The following LRCH2 variants were observed in gnomAD, a reference collection of about 807,000 sequenced individuals.
LRCH2 encodes leucine-rich repeat and calponin homology domain-containing protein 2.
LRCH2 carries 38 observed loss-of-function variants against 68.9 expected under a neutral mutation model. That is an observed-to-expected ratio of 0.55 (90% CI 0.43 to 0.72). The LOEUF (loss-of-function observed/expected upper bound fraction) is 0.72, where lower values mean the gene tolerates loss of function less well. Ranked by LOEUF, LRCH2 falls within the 30% of genes least tolerant of loss-of-function variation. LRCH2 has a pLI of 0.00. For missense variants in LRCH2, 528 were observed against 572.9 expected (o/e 0.92, Z 0.80); for synonymous variants, 191 against 208.1 (o/e 0.92, Z 0.71).
intron 14 of LRCH2, among the ~76,000 whole-genome samples, chrX:115,140,194 A>G (rs2072324328): frequency 9.0e-6 from 1 of 111,352 alleles, no homozygotes; most frequent in Admixed American, 9.5e-5. Context: ...GGCACTGGCC[A>G]GAGTTGTGAG....
At chrX:115,132,385 T>C (rs782035982) in intron 14 of LRCH2, among the ~76,000 whole-genome samples, 1 of 111,652 alleles carries the variant, frequency 9.0e-6, no homozygotes, top group South Asian at 3.8e-4. Flanking sequence ...AAAGATCAGA[T>C]GGTTGTCGAT....
At chrX:115,171,900 CG>C (rs1485321515) in intron 5 of LRCH2, among the ~76,000 whole-genome samples, 2 of 109,643 alleles carry the variant, frequency 1.8e-5, no homozygotes, top group Admixed American at 9.8e-5. Flanking sequence ...AGGCTGTTCT[CG>C]AACTCCTGGG....
At position 115,134,676 on chromosome X, in the gene LRCH2, T is replaced by C. The variant is rs76793299; in HGVS notation, c.1696-4477A>G. ...CCACTATCGAGCTCAGAAAAAAAGATTCCTTTCATAATATTACTGCTCATT... is the reference window on the plus strand; with the variant it reads ...CCACTATCGAGCTCAGAAAAAAAGACTCCTTTCATAATATTACTGCTCATT... On this transcript the variant is annotated intron_variant, in intron 14 of 20. Coordinates refer to ENST00000317135, the MANE Select transcript of LRCH2 (RefSeq NM_020871.4). 4.6e-4 allele frequency among the ~76,000 whole-genome samples: 52 copies of C among 112,077 alleles called. No individual in the cohort carries two copies. The East Asian group carries it at 0.012, about 26-fold the overall frequency.
Position 115,113,216 on chromosome X carries a change from T to C in LRCH2, c.2298A>G (p.Ter766=). The change falls in exon 21 of 21, where the codon TAA becomes TAG. Residue 766 remains the stop codon, a stop_retained_variant. Transcript: ENST00000317135. ...ACACTTAGAATTTTAAAATGTTATATTAAGCCACAGAAAGCTGAGATGCCT... is the reference window on the plus strand; with the variant it reads ...ACACTTAGAATTTTAAAATGTTATACTAAGCCACAGAAAGCTGAGATGCCT... The part of the protein sequence containing the change: ...TTKASQLSVA[*] 8.4e-7 allele frequency: 1 copy of C among 1,186,849 alleles called. No homozygotes were observed. Among genetic ancestry groups the C allele is most frequent in the Non-Finnish European group, 1.1e-6 (1 of 882,408 alleles).
chrX:115,120,788 T>C (rs1465373532), intron 20 of LRCH2, among the ~76,000 whole-genome samples: 207 of 106,688 alleles, frequency 1.9e-3, no homozygotes, highest in African/African-American at 6.6e-3. Context: ...CCAACAATGA[T>C]AGACTGGACT....
At chrX:115,122,029 A>T (rs1343493178) in intron 20 of LRCH2, among the ~76,000 whole-genome samples, 5 of 111,627 alleles carry the variant, frequency 4.5e-5, no homozygotes, top group Non-Finnish European at 9.4e-5. Context: ...TACATGAAAC[A>T]TAAGACAATT....
Position 115,190,237 on chromosome X carries a change from C to T in LRCH2, c.350-1867G>A, listed in dbSNP as rs1556556967. On this transcript the variant is annotated intron_variant, in intron 1 of 20. Coordinates refer to ENST00000317135, the MANE Select transcript of LRCH2 (RefSeq NM_020871.4). The stretch of plus-strand genomic sequence containing the variant: ...AGACTACAGCCGCCGCTATTATGGC[C>T]ACTCCAGTGTCCCGGACTACCGTCC... The T allele has an allele frequency of 3.4e-6, 4 of 1,163,847 alleles. No individual in the cohort carries two copies. In the South Asian group the frequency reaches 7.6e-5, roughly 22 times the overall value.
intron 20 of LRCH2, among the ~76,000 whole-genome samples, chrX:115,119,144 A>G (rs1174328208): frequency 2.7e-5 from 3 of 110,523 alleles, no homozygotes; most frequent in African/African-American, 9.9e-5. Flanking sequence ...CTCCTATTCA[A>G]CATAGTGTTG....
At chrX:115,149,439 AAAC>A (rs1393733671) in intron 14 of LRCH2, among the ~76,000 whole-genome samples, 1 of 111,759 alleles carries the variant, frequency 8.9e-6, no homozygotes, top group Non-Finnish European at 1.9e-5. Context: ...AGAACTATAT[AAAC>A]AACACTTATT....
chrX:115,146,279 G>A (rs1046353341), intron 14 of LRCH2, among the ~76,000 whole-genome samples: 202 of 111,572 alleles, frequency 1.8e-3, no homozygotes, highest in Middle Eastern at 4.6e-3. Context: ...CCAGAGGCTA[G>A]AGAAGGGTAG....
At chrX:115,206,463 G>A (rs973346210) in intron 1 of LRCH2, among the ~76,000 whole-genome samples, 13 of 112,092 alleles carry the variant, frequency 1.2e-4, no homozygotes, top group Non-Finnish European at 2.1e-4. Context: ...GCAGACAACC[G>A]CTTAAAGGTG....
At chrX:115,218,347 A>G (rs2073055731) in intron 1 of LRCH2, among the ~76,000 whole-genome samples, 1 of 112,182 alleles carries the variant, frequency 8.9e-6, no homozygotes, top group African/African-American at 3.2e-5. Context: ...TAGGATCTGG[A>G]GGCAGGGCCG....
intron 1 of LRCH2, among the ~76,000 whole-genome samples, chrX:115,221,020 A>C (rs1225194121): frequency 7.6e-4 from 80 of 105,233 alleles, no homozygotes; most frequent in African/African-American, 2.7e-3. Context: ...CTAAAAATAC[A>C]AAAAAAATTA....
chrX:115,121,415 G>A (rs2072141770), intron 20 of LRCH2, among the ~76,000 whole-genome samples: 1 of 111,248 alleles, frequency 9.0e-6, no homozygotes, highest in South Asian at 3.7e-4. Context: ...ACTTTGGGAG[G>A]CTGAGGCGGG....
At chrX:115,178,268 C>T (rs113395189) in intron 5 of LRCH2, among the ~76,000 whole-genome samples, 3,158 of 111,282 alleles carry the variant, frequency 0.028, 107 homozygotes, top group African/African-American at 0.098. Flanking sequence ...ATCTTAGAGC[C>T]GTGGTGTTTA....
At chrX:115,201,437 T>C (rs997976239) in intron 1 of LRCH2, among the ~76,000 whole-genome samples, 9 of 111,663 alleles carry the variant, frequency 8.1e-5, no homozygotes, top group African/African-American at 2.9e-4. Flanking sequence ...TCTCAATAGA[T>C]GCAGAAAATG....
chrX:115,151,260 G>A (rs782590437), intron 12 of LRCH2, among the ~76,000 whole-genome samples: 1 of 111,070 alleles, frequency 9.0e-6, no homozygotes, highest in African/African-American at 3.3e-5. Context: ...CAATGGAAGA[G>A]GAGTACAGGA....
At position 115,230,951 on chromosome X, in the gene LRCH2, T is replaced by C. The variant is rs1603110286; in HGVS notation, c.349+2742A>G. Among the ~76,000 whole-genome samples the C allele has an allele frequency of 2.7e-5, 3 of 110,721 alleles. No individual in the cohort carries two copies. In the East Asian group the frequency reaches 8.5e-4, roughly 31 times the overall value. ...GGTCTAGGGTGGGATCCAGGCAGGG[T>C]TGAAAAAACAAACAAAAAATCTCCC... On this transcript the variant is annotated intron_variant, in intron 1 of 20. Coordinates refer to ENST00000317135, the MANE Select transcript of LRCH2 (RefSeq NM_020871.4).
At chrX:115,214,152 G>C (rs1194914710) in intron 1 of LRCH2, among the ~76,000 whole-genome samples, 2 of 111,874 alleles carry the variant, frequency 1.8e-5, no homozygotes, top group Non-Finnish European at 3.8e-5. Context: ...ACTCAAATTT[G>C]AGCACAATTA....
Sources: allele counts gnomAD v4.1 joint callset (sites outside exome capture counted in the v4.1 genomes callset), GRCh38; gene constraint gnomAD v4.1.1; transcripts MANE v1.5; gene names NCBI Gene and HGNC (gene_info 2026-07-23, HGNC 2026-07-21).